The following ASXL2 variants were observed in gnomAD, a reference collection of about 807,000 sequenced individuals.
ASXL2 encodes the protein ASXL transcriptional regulator 2.
In ASXL2, 23 loss-of-function variants were observed where a neutral mutation model predicts 122.0. That is an observed-to-expected ratio of 0.19 (90% CI 0.14 to 0.27). ASXL2 has a LOEUF of 0.27. Ranked by LOEUF, ASXL2 falls within the 10% of genes least tolerant of loss-of-function variation. The probability of loss-of-function intolerance (pLI) is 1.00; values close to 1 mark genes in which losing one functional copy is unlikely to be tolerated. For missense variants in ASXL2, 1,518 were observed against 1,713.8 expected (o/e 0.89, Z 2.02); for synonymous variants, 650 against 637.0 (o/e 1.02, Z -0.31).
chr2:25,855,882 C>CATTTATTT (rs147256555), intron 1 of ASXL2, among the ~76,000 whole-genome samples: 1,887 of 142,508 alleles, frequency 0.013, 25 homozygotes, highest in African/African-American at 0.029. Flanking sequence ...CTTGATAATG[C>CATTTATTT]ATTTATTTAT....
At chr2:25,816,993 T>C (rs866302245) in intron 3 of ASXL2, among the ~76,000 whole-genome samples, 21 of 152,188 alleles carry the variant, frequency 1.4e-4, no homozygotes, top group African/African-American at 4.3e-4. Flanking sequence ...AGCATGGTGG[T>C]AGGCATCTGT....
intron 8 of ASXL2, among the ~76,000 whole-genome samples, chr2:25,761,672 C>CA (rs1184631489): frequency 0.15 from 8,150 of 55,474 alleles, 581 homozygotes; most frequent in African/African-American, 0.22. Flanking sequence ...GACTCCGTCT[C>CA]AAAAAAAAAA....
intron 1 of ASXL2, among the ~76,000 whole-genome samples, chr2:25,847,646 TG>T (rs2089663932): frequency 6.6e-6 from 1 of 152,206 alleles, no homozygotes; most frequent in East Asian, 1.9e-4. Context: ...ATACTAAAAA[TG>T]TATTAAAGTA....
intron 3 of ASXL2, among the ~76,000 whole-genome samples, chr2:25,813,297 TAA>T (rs1188262522): frequency 6.6e-6 from 1 of 152,196 alleles, no homozygotes; most frequent in Non-Finnish European, 1.5e-5. Flanking sequence ...GTCCCTGATC[TAA>T]AACACTTAGG....
At chr2:25,765,799 C>T (rs1315594009) in intron 8 of ASXL2, among the ~76,000 whole-genome samples, 1 of 152,142 alleles carries the variant, frequency 6.6e-6, no homozygotes, top group Non-Finnish European at 1.5e-5. Context: ...AAATATTGCT[C>T]TGTTCATCAT....
intron 1 of ASXL2, among the ~76,000 whole-genome samples, chr2:25,860,560 A>G (rs1481579851): frequency 6.6e-6 from 1 of 151,720 alleles, no homozygotes; most frequent in East Asian, 1.9e-4. Flanking sequence ...TAAAAATACA[A>G]AAATGCCGGG....
chr2:25,776,340 TAC>T lies in ASXL2; in HGVS notation c.404-4802_404-4801del, dbSNP rs761429110. Reference sequence around the variant, plus strand: ...TCATCCATGTTTCAATATGTATAAATACTTTATTCTTTATCGTAAAATAATAT... The same window carrying T: ...TCATCCATGTTTCAATATGTATAAATTTTATTCTTTATCGTAAAATAATAT... On this transcript the variant is annotated intron_variant, in intron 5 of 12. Transcript: ENST00000435504. 9.2e-3 allele frequency among the ~76,000 whole-genome samples: 1,395 copies of T among 152,366 alleles called. 8 individuals carry two copies. Among genetic ancestry groups the T allele is most frequent in the Admixed American group, 0.014 (219 of 15,308 alleles).
chr2:25,856,637 C>T, intron 1 of ASXL2: 1 of 1,250,392 alleles, frequency 8.0e-7, no homozygotes, highest in Admixed American at 1.7e-5. Flanking sequence ...TGAAAATGTC[C>T]TCAGTCTCCC....
At chr2:25,849,695 C>T (rs2089694254) in intron 1 of ASXL2, among the ~76,000 whole-genome samples, 1 of 151,836 alleles carries the variant, frequency 6.6e-6, no homozygotes, top group African/African-American at 2.4e-5. Context: ...AGGCCGGTCT[C>T]GAACTGCTGG....
chr2:25,858,812 ATTT>A (rs765331691), intron 1 of ASXL2, among the ~76,000 whole-genome samples: 1 of 139,186 alleles, frequency 7.2e-6, no homozygotes, highest in Admixed American at 7.3e-5. Context: ...TAGAAATCTA[ATTT>A]TTTTTTTTTT....
chr2:25,821,138 C>A (rs1229256498), intron 3 of ASXL2, among the ~76,000 whole-genome samples: 3 of 152,072 alleles, frequency 2.0e-5, no homozygotes, highest in Non-Finnish European at 4.4e-5. Flanking sequence ...AAGATCGCGC[C>A]ACTGCACTCC....
intron 3 of ASXL2, among the ~76,000 whole-genome samples, chr2:25,815,055 C>T (rs745587436): frequency 5.3e-5 from 8 of 152,088 alleles, no homozygotes; most frequent in East Asian, 3.9e-4. Context: ...ACTTACTATC[C>T]TACCCTAGTC....
Position 25,806,352 on chromosome 2 carries a change from A to C in ASXL2, c.144-15T>G. 1.9e-6 allele frequency: 3 copies of C among 1,564,490 alleles called. No individual in the cohort carries two copies. Among genetic ancestry groups the C allele is most frequent in the Non-Finnish European group, 2.6e-6 (3 of 1,139,282 alleles). On this transcript the variant is annotated splice_polypyrimidine_tract_variant and intron_variant, in intron 3 of 12. Coordinates refer to ENST00000435504, the MANE Select transcript of ASXL2 (RefSeq NM_018263.6). ...GAGAAGTCCCACTGCAAAACAAAGA[A>C]GAGATGTGATAAGGAACACAACAAT... is the stretch of plus-strand genomic sequence containing the variant.
At chr2:25,857,318 G>T (rs1012815382) in intron 1 of ASXL2, among the ~76,000 whole-genome samples, 14 of 152,078 alleles carry the variant, frequency 9.2e-5, no homozygotes, top group African/African-American at 3.1e-4. Flanking sequence ...TAGTCACTTG[G>T]CACTATCTAG....
At chr2:25,869,098 G>A (rs2089938125) in intron 1 of ASXL2, among the ~76,000 whole-genome samples, 1 of 151,702 alleles carries the variant, frequency 6.6e-6, no homozygotes, top group African/African-American at 2.4e-5. Flanking sequence ...CTTGGAGGTG[G>A]AGGTTGCAGT....
At chr2:25,835,182 C>G (rs919131432) in intron 3 of ASXL2, among the ~76,000 whole-genome samples, 2 of 152,102 alleles carry the variant, frequency 1.3e-5, no homozygotes, top group Non-Finnish European at 2.9e-5. Context: ...AATCTTACAG[C>G]CATAAAGCAA....
At chr2:25,781,788 C>G (rs1048210957) in intron 5 of ASXL2, among the ~76,000 whole-genome samples, 3 of 151,324 alleles carry the variant, frequency 2.0e-5, no homozygotes, top group African/African-American at 7.3e-5. Context: ...TCTGCTTCAG[C>G]CTCCCGAGCA....
rs2087735764 is a variant in ASXL2, at chr2:25,736,378, G to A, written c.*5651C>T. 2 of 152,150 alleles carry A rather than the reference G, an allele frequency of 1.3e-5. No homozygotes were observed. Among genetic ancestry groups the A allele is most frequent in the African/African-American group, 4.8e-5 (2 of 41,438 alleles). The allele number at this position is 152,150 out of a possible 1,614,324, so 9.4% of individuals were successfully genotyped here. A position where few individuals can be genotyped will look rare whatever the true frequency, so the allele number is the denominator to read the frequency against. On this transcript the variant is annotated 3_prime_UTR_variant, in exon 13 of 13. Coordinates refer to ENST00000435504, the MANE Select transcript of ASXL2 (RefSeq NM_018263.6). ...TAATGATAAATATGTACCAGAAATG[G>A]GGAGTCAATCTTTGTAAATGGTCAT...
rs770248046 is a variant in ASXL2 at position 25,740,225 on chromosome 2, G to A, written c.*1804C>T. 2.3e-5 allele frequency: 5 copies of A among 220,698 alleles called. No individual in the cohort carries two copies. Among genetic ancestry groups the A allele is most frequent in the Admixed American group, 5.8e-5 (1 of 17,306 alleles). The allele number at this position is 220,698 out of a possible 1,614,324, so 13.7% of individuals were successfully genotyped here. On this transcript the variant is annotated 3_prime_UTR_variant, in exon 13 of 13. Transcript: ENST00000435504. ...AAAAACAGTGAAGTGAGTTTCTTAC[G>A]GAGAGGAGCGGAGCAGGGGCTGTGG...
Sources: allele counts gnomAD v4.1 joint callset (sites outside exome capture counted in the v4.1 genomes callset), GRCh38; gene constraint gnomAD v4.1.1; transcripts MANE v1.5; gene names NCBI Gene and HGNC (gene_info 2026-07-23, HGNC 2026-07-21).